Variants in STPG2 observed in about 807,000 individuals in gnomAD.
STPG2 encodes sperm tail PG-rich repeat containing 2.
Under a neutral mutation model 54.2 loss-of-function variants are expected in STPG2, and 56 were observed. The observed-to-expected ratio is 1.03, with a 90% CI of 0.83 to 1.29. The LOEUF (loss-of-function observed/expected upper bound fraction) is 1.29, where lower values mean the gene tolerates loss of function less well. Among genes scored for constraint, STPG2 ranks in the 50% most tolerant of loss-of-function variants. The pLI is 0.00. For missense variants in STPG2, 596 were observed against 544.9 expected (o/e 1.09, Z -0.93); for synonymous variants, 200 against 181.8 (o/e 1.10, Z -0.81).
intron 9 of STPG2, among the ~76,000 whole-genome samples, chr4:97,822,443 T>C (rs992018353): frequency 5.3e-5 from 8 of 152,236 alleles, no homozygotes; most frequent in African/African-American, 9.6e-5. Context: ...AGCATCTGTC[T>C]GTTACTCAGT....
At chr4:97,526,894 G>A (rs961819296) in intron 4 of STPG2, among the ~76,000 whole-genome samples, 1 of 151,956 alleles carries the variant, frequency 6.6e-6, no homozygotes, top group Non-Finnish European at 1.5e-5. Context: ...TTCTGCATAT[G>A]CCTAGCCAGG....
rs1407187744 is a variant in STPG2, at chr4:97,972,374, T to C, written c.839A>G (p.Lys280Arg). 3 of 1,609,556 alleles carry C rather than the reference T, an allele frequency of 1.9e-6. No homozygotes were observed. The highest frequency in any genetic ancestry group is 2.5e-6 in the Non-Finnish European group (3 of 1,177,122). Residue 280 changes from lysine (K) to arginine (R), a missense_variant, in exon 7 of 11, where the codon AAA (lysine) becomes AGA (arginine). Coordinates refer to ENST00000295268, the MANE Select transcript of STPG2 (RefSeq NM_174952.3). ...AGAACCAAATGCACTTTTCTTCTGT[T>C]TCTTTGAGCAGATATTTCTAACACT... is the stretch of plus-strand genomic sequence containing the variant. Reference protein sequence around the residue: ...IASVRNICSKKQKKSAFGSSV... With the variant: ...IASVRNICSKRQKKSAFGSSV...
intron 5 of STPG2, among the ~76,000 whole-genome samples, chr4:98,077,515 C>T (rs945590894): frequency 6.6e-6 from 1 of 152,140 alleles, no homozygotes; most frequent in Non-Finnish European, 1.5e-5. Context: ...GGATTACAGG[C>T]ATGAGCCACC....
At chr4:97,791,385 C>A (rs996487085) in intron 9 of STPG2, among the ~76,000 whole-genome samples, 1 of 152,062 alleles carries the variant, frequency 6.6e-6, no homozygotes, top group South Asian at 2.1e-4. Flanking sequence ...AAAATTGCTA[C>A]GAGTATGACT....
At chr4:97,826,062 G>C (rs887821333) in intron 9 of STPG2, among the ~76,000 whole-genome samples, 1 of 152,066 alleles carries the variant, frequency 6.6e-6, no homozygotes, top group Admixed American at 6.6e-5. Flanking sequence ...TTGCCCTCTA[G>C]CTATGCGGGG....
At chr4:97,529,432 C>G (rs374610339) in intron 4 of STPG2, among the ~76,000 whole-genome samples, 1 of 151,982 alleles carries the variant, frequency 6.6e-6, no homozygotes, top group African/African-American at 2.4e-5. Context: ...GGAATATTGG[C>G]CTGAAATTTT....
chr4:97,492,639 T>C (rs1164456057), intron 4 of STPG2, among the ~76,000 whole-genome samples: 2 of 133,356 alleles, frequency 1.5e-5, no homozygotes, highest in Middle Eastern at 3.3e-3. Context: ...CATTCAATGA[T>C]AAAAACTTTT....
chr4:97,531,815 T>C (rs1237566991), intron 4 of STPG2, among the ~76,000 whole-genome samples: 2 of 152,176 alleles, frequency 1.3e-5, no homozygotes, highest in African/African-American at 4.8e-5. Flanking sequence ...GTGACTGTAG[T>C]CAGAATAATT....
At chr4:98,101,549 A>T (rs768466771) in intron 5 of STPG2, among the ~76,000 whole-genome samples, 1 of 152,186 alleles carries the variant, frequency 6.6e-6, no homozygotes, top group Non-Finnish European at 1.5e-5. Flanking sequence ...TCTAGGTAGC[A>T]GCCAGAAAAC....
chr4:97,911,451 G>A (rs1374060170), intron 8 of STPG2, among the ~76,000 whole-genome samples: 1 of 152,146 alleles, frequency 6.6e-6, no homozygotes, highest in African/African-American at 2.4e-5. Context: ...GTTCCCGGGG[G>A]GCAGGGGCAG....
chr4:97,550,079 A>C (rs1245628759), intron 4 of STPG2, among the ~76,000 whole-genome samples: 1 of 152,152 alleles, frequency 6.6e-6, no homozygotes, highest in African/African-American at 2.4e-5. Flanking sequence ...TTTTAACTAT[A>C]AACTAGCACT....
intron 4 of STPG2, among the ~76,000 whole-genome samples, chr4:97,499,800 A>G (rs6840556): frequency 0.24 from 35,814 of 151,886 alleles, 9,631 homozygotes; most frequent in African/African-American, 0.66. Flanking sequence ...AGAAACAGCT[A>G]GTGCAAGGGC....
intron 4 of STPG2, among the ~76,000 whole-genome samples, chr4:97,497,528 T>C (rs1437755410): frequency 6.6e-6 from 1 of 151,900 alleles, no homozygotes; most frequent in African/African-American, 2.4e-5. Context: ...ATACTTCTGT[T>C]ATTTAAAATC....
chr4:97,812,692 T>A (rs1326733508), intron 9 of STPG2, among the ~76,000 whole-genome samples: 1 of 152,128 alleles, frequency 6.6e-6, no homozygotes, highest in East Asian at 1.9e-4. Context: ...CCCCAGTAGC[T>A]TAGTTCTAGG....
chr4:97,919,465 G>A (rs1054482265), intron 8 of STPG2, among the ~76,000 whole-genome samples: 2 of 150,172 alleles, frequency 1.3e-5, no homozygotes, highest in African/African-American at 4.9e-5. Flanking sequence ...AAGAAAATAC[G>A]AATCACCAAC....
chr4:97,736,954 CA>C (rs1263051367), intron 9 of STPG2, among the ~76,000 whole-genome samples: 2 of 152,172 alleles, frequency 1.3e-5, no homozygotes, highest in Non-Finnish European at 1.5e-5. Flanking sequence ...AACAGGGAGG[CA>C]CCCCCCAGTA....
chr4:97,989,075 A>T (rs1015373494), intron 5 of STPG2, among the ~76,000 whole-genome samples: 1 of 152,210 alleles, frequency 6.6e-6, no homozygotes, highest in African/African-American at 2.4e-5. Context: ...CCAAAAGTGC[A>T]TGACACCTTG....
chr4:97,543,351 G>C (rs1367577862), intron 4 of STPG2, among the ~76,000 whole-genome samples: 2 of 151,752 alleles, frequency 1.3e-5, no homozygotes, highest in African/African-American at 4.8e-5. Context: ...CTTATGAAAA[G>C]AGAAAGCCAC....
intron 5 of STPG2, among the ~76,000 whole-genome samples, chr4:97,985,802 G>A (rs903904672): frequency 1.3e-5 from 2 of 152,220 alleles, no homozygotes; most frequent in African/African-American, 2.4e-5. Flanking sequence ...GTCAAGTGAT[G>A]TAAGGTTAGG....
Sources: allele counts gnomAD v4.1 joint callset (sites outside exome capture counted in the v4.1 genomes callset), GRCh38; gene constraint gnomAD v4.1.1; transcripts MANE v1.5; gene names NCBI Gene and HGNC (gene_info 2026-07-23, HGNC 2026-07-21).